Variants in TECR observed in about 807,000 individuals in gnomAD.
The protein encoded by TECR is trans-2,3-enoyl-CoA reductase.
A neutral mutation model predicts 50.6 loss-of-function variants in TECR; 19 were observed. The ratio of observed to expected loss-of-function variants is 0.38; its 90% confidence interval spans 0.26 to 0.55. The LOEUF (loss-of-function observed/expected upper bound fraction) is 0.55, where lower values mean the gene tolerates loss of function less well. Ranked by LOEUF, TECR falls within the 20% of genes least tolerant of loss-of-function variation. The pLI is 0.79. For missense variants in TECR, 313 were observed against 408.3 expected, an observed-to-expected ratio of 0.77 and a Z score of 2.01; for synonymous variants, 168 against 163.5, an observed-to-expected ratio of 1.03 and a Z score of -0.21.
At chr19:14,541,448 C>T (rs948861588) in intron 1 of TECR, among the ~76,000 whole-genome samples, 1 of 152,244 alleles carries the variant, frequency 6.6e-6, no homozygotes, top group Admixed American at 6.5e-5. Flanking sequence ...CCTGCTGGTC[C>T]AGGCCTTTTC....
chr19:14,563,288 GCAACCC>G lies in TECR; in HGVS notation c.118+33_118+38del. ...TTCTAGTCCCGGCCACACTGCCCCT[GCAACCC>G]CTTTGACCAGGGACCTTAGGGTGGG... On this transcript the variant is annotated intron_variant, in intron 3 of 12. Coordinates refer to ENST00000215567, the MANE Select transcript of TECR (RefSeq NM_138501.6). This position sits in a 1 kb window ranked among gnomAD's most constrained non-coding sequence, Gnocchi z 5.3. 6.3e-7 allele frequency: 1 copy of G among 1,589,412 alleles called. No homozygotes were observed. The highest frequency in any genetic ancestry group is 8.6e-7 in the Non-Finnish European group (1 of 1,157,560).
In TECR at chr19:14,563,556, C is replaced by T; in HGVS notation, c.119-102C>T. On this transcript the variant is annotated intron_variant, in intron 3 of 12. Transcript: ENST00000215567. The surrounding 1 kb of genome is among the most constrained non-coding windows in gnomAD (Gnocchi z 5.3). ...GGGAGGAGCTGTGGAGTCCTGGGGT[C>T]CTTGCACCCTGGGAACCCTGAGAAG... The T allele has an allele frequency of 1.3e-6, 2 of 1,502,172 alleles. No individual in the cohort carries two copies. The highest frequency in any genetic ancestry group is 1.8e-6 in the Non-Finnish European group (2 of 1,089,068). The allele number at this position is 1,502,172 out of a possible 1,614,324, so 93.1% of individuals were successfully genotyped here. A position where few individuals can be genotyped will look rare whatever the true frequency, so the allele number is the denominator to read the frequency against.
intron 1 of TECR, among the ~76,000 whole-genome samples, chr19:14,552,408 G>A (rs953138915): frequency 1.3e-5 from 2 of 151,832 alleles, no homozygotes; most frequent in African/African-American, 2.4e-5. Flanking sequence ...GGAGCTTTGG[G>A]CCTGAGCAAG....
chr19:14,532,947 TA>T (rs1419734452), intron 1 of TECR, among the ~76,000 whole-genome samples: 1 of 146,382 alleles, frequency 6.8e-6, no homozygotes, highest in African/African-American at 2.5e-5. Flanking sequence ...TCGTCTCTAC[TA>T]AAAACAAAAA....
At chr19:14,528,879 G>A (rs1160638431), upstream of TECR, among the ~76,000 whole-genome samples, 2 of 152,172 alleles carry the variant, frequency 1.3e-5, no homozygotes, top group African/African-American at 2.4e-5. Flanking sequence ...GGGAGGCGGA[G>A]GTTGCGTGAG....
chr19:14,554,083 C>A (rs539669593), intron 1 of TECR, among the ~76,000 whole-genome samples: 73 of 152,282 alleles, frequency 4.8e-4, no homozygotes, highest in African/African-American at 1.6e-3. Flanking sequence ...CCCTGGAGGC[C>A]CATGTGTGGT....
intron 1 of TECR, among the ~76,000 whole-genome samples, chr19:14,549,211 C>CTTTTTTTT (rs561284094): frequency 7.2e-5 from 8 of 111,160 alleles, no homozygotes; most frequent in African/African-American, 1.8e-4. Context: ...TTTAATTGGA[C>CTTTTTTTT]TTTTTTTTTT....
intron 1 of TECR, among the ~76,000 whole-genome samples, chr19:14,542,767 A>G (rs1335490577): frequency 2.6e-5 from 4 of 152,038 alleles, no homozygotes; most frequent in Non-Finnish European, 5.9e-5. Context: ...GACTCACCCC[A>G]GTTACATGGT....
upstream of TECR, among the ~76,000 whole-genome samples, chr19:14,528,239 CTTTTTCT>C (rs999702923): frequency 1.2e-4 from 18 of 145,230 alleles, no homozygotes; most frequent in Non-Finnish European, 2.3e-4. Context: ...AGTCCCATTT[CTTTTTCT>C]TTTTTCTTTT....
At chr19:14,545,081 A>G (rs1439698936) in intron 1 of TECR, 1 of 456,592 alleles carries the variant, frequency 2.2e-6, no homozygotes, top group Non-Finnish European at 4.4e-6. Context: ...CTCTGAAGCC[A>G]CATTTGCTCC....
At chr19:14,564,550 C>G (rs2074012114) in intron 7 of TECR, 1 of 556,164 alleles carries the variant, frequency 1.8e-6, no homozygotes, top group Non-Finnish European at 3.1e-6. Flanking sequence ...ATCCCCCCAG[C>G]CCCGCCCCTG....
At chr19:14,535,570 AT>A (rs2072862188) in intron 1 of TECR, among the ~76,000 whole-genome samples, 1 of 20,464 alleles carries the variant, frequency 4.9e-5, no homozygotes, top group East Asian at 8.5e-4. Flanking sequence ...ATATATATAT[AT>A]ATATATATAT....
intron 1 of TECR, among the ~76,000 whole-genome samples, chr19:14,544,738 T>C (rs2073243908): frequency 6.6e-6 from 1 of 151,618 alleles, no homozygotes; most frequent in Non-Finnish European, 1.5e-5. Context: ...GTTCAAGGGA[T>C]TCTTGTGCCC....
chr19:14,547,342 C>G (rs898272045), intron 1 of TECR, among the ~76,000 whole-genome samples: 2 of 144,880 alleles, frequency 1.4e-5, no homozygotes, highest in African/African-American at 2.5e-5. Context: ...CCGTACCTGG[C>G]CTATTTTATT....
intron 1 of TECR, among the ~76,000 whole-genome samples, chr19:14,542,063 G>A (rs1184363650): frequency 2.0e-5 from 3 of 152,038 alleles, no homozygotes; most frequent in Non-Finnish European, 4.4e-5. Flanking sequence ...GATTACAGGC[G>A]TGAGCCACTG....
upstream of TECR, chr19:14,529,422 GCGT>G: frequency 1.7e-6 from 1 of 604,858 alleles, no homozygotes; most frequent in Non-Finnish European, 3.0e-6. Flanking sequence ...CCTCCTACAG[GCGT>G]TCCGCCCCCT....
At chr19:14,556,968 G>A (rs2073749367) in intron 1 of TECR, among the ~76,000 whole-genome samples, 1 of 152,238 alleles carries the variant, frequency 6.6e-6, no homozygotes, top group South Asian at 2.1e-4. Flanking sequence ...CGAGGCATCA[G>A]TGCACCAGCT....
At position 14,563,640 on chromosome 19, in the gene TECR, G is replaced by T. The variant is rs1453089671; in HGVS notation, c.119-18G>T. 2 of 1,610,610 alleles carry T rather than the reference G, an allele frequency of 1.2e-6. No homozygotes were observed. Among genetic ancestry groups the T allele is most frequent in the African/African-American group, 2.7e-5 (2 of 74,812 alleles). On this transcript the variant is annotated intron_variant, in intron 3 of 12. Coordinates refer to ENST00000215567, the MANE Select transcript of TECR (RefSeq NM_138501.6). The surrounding 1 kb of genome is among the most constrained non-coding windows in gnomAD (Gnocchi z 5.3). ...CCCTGCCAGGCTGTGGGCTGTAACT[G>T]CCCTGTTCTCCCCGCAGATCCGCAG...
At position 14,559,931 on chromosome 19, in the gene TECR, C is replaced by T. The variant is rs573165406; in HGVS notation, c.16-2594C>T. Among the ~76,000 whole-genome samples, 9 of 152,266 alleles carry T rather than the reference C, an allele frequency of 5.9e-5. No individual in the cohort carries two copies. The South Asian group carries it at 6.2e-4, about 11-fold the overall frequency. On this transcript the variant is annotated intron_variant, in intron 1 of 12. Coordinates refer to ENST00000215567, the MANE Select transcript of TECR (RefSeq NM_138501.6). ...TTTGGGGCAGGAAATGGGAGACGGA[C>T]GGCCGTCCCACTGAGGACTCATCCT...
Sources: allele counts gnomAD v4.1 joint callset (sites outside exome capture counted in the v4.1 genomes callset), GRCh38; gene constraint gnomAD v4.1.1; non-coding constraint Gnocchi (gnomAD v3.1); transcripts MANE v1.5; gene names NCBI Gene and HGNC (gene_info 2026-07-23, HGNC 2026-07-21).